The following BRDT variants were observed in gnomAD, a reference collection of about 807,000 sequenced individuals.
BRDT encodes bromodomain testis associated, also known as bromodomain testis-specific protein.
In BRDT, 77 loss-of-function variants were observed where a neutral mutation model predicts 113.9. The ratio of observed to expected loss-of-function variants is 0.68; its 90% CI spans 0.56 to 0.82. The LOEUF is 0.82. Among genes scored for constraint, BRDT ranks in the 40% least tolerant of loss-of-function variants. The probability of loss-of-function intolerance (pLI) is 0.00; values close to 1 mark genes in which losing one functional copy is unlikely to be tolerated. For missense variants in BRDT, 1,027 were observed against 1,105.4 expected (o/e 0.93, Z 1.01); for synonymous variants, 358 against 366.5 (o/e 0.98, Z 0.26).
Position 92,013,797 on chromosome 1 carries a change from T to C in BRDT, c.2776-409T>C, listed in dbSNP as rs762001307. Reference sequence around the variant, plus strand: ...CATTACATATTATAGTTATCTCACATAACAAAGATATTGGTTCATTCAGAA... The same window carrying C: ...CATTACATATTATAGTTATCTCACACAACAAAGATATTGGTTCATTCAGAA... On this transcript the variant is annotated intron_variant, in intron 18 of 18. Coordinates refer to ENST00000399546, the MANE Select transcript of BRDT (RefSeq NM_207189.4). Among the ~76,000 whole-genome samples the C allele has an allele frequency of 2.5e-4, 38 of 152,322 alleles. 1 individual carries two copies. The highest frequency in any genetic ancestry group is 3.4e-3 in the Middle Eastern group (1 of 294).
chr1:92,008,069 C>G (rs528806269), intron 18 of BRDT, among the ~76,000 whole-genome samples: 2 of 152,222 alleles, frequency 1.3e-5, no homozygotes, highest in South Asian at 4.2e-4. Flanking sequence ...AGGCACCCAC[C>G]ACCACGCCTG....
At chr1:91,962,629 C>T (rs924444103) in intron 1 of BRDT, 89 bp from the exon 2 acceptor site, 15 of 761,126 alleles carry the variant, frequency 2.0e-5, no homozygotes, top group East Asian at 3.1e-5. Context: ...CCACTGTGCC[C>T]GGCTTCTGTT....
intron 4 of BRDT, among the ~76,000 whole-genome samples, chr1:91,974,909 T>G (rs1683980627): frequency 6.6e-6 from 1 of 152,116 alleles, no homozygotes; most frequent in East Asian, 1.9e-4. Flanking sequence ...TAGACTGGAT[T>G]AAGAAAATGT....
At chr1:91,964,338 G>A (rs925146677) in intron 2 of BRDT, among the ~76,000 whole-genome samples, 2 of 152,226 alleles carry the variant, frequency 1.3e-5, no homozygotes, top group Admixed American at 6.5e-5. Context: ...TGGGATTACA[G>A]GCGTGAGCCA....
chr1:91,994,700 C>G (rs1458689011), intron 15 of BRDT, among the ~76,000 whole-genome samples: 1 of 151,256 alleles, frequency 6.6e-6, no homozygotes, highest in East Asian at 1.9e-4. Context: ...AACCCCGTCT[C>G]TACTAAAAAT....
chr1:91,992,583 T>A (rs1685898664), intron 14 of BRDT, among the ~76,000 whole-genome samples: 2 of 152,200 alleles, frequency 1.3e-5, no homozygotes, highest in South Asian at 4.1e-4. Context: ...TCACCCAGGC[T>A]GGAGTGCAGT....
intron 2 of BRDT, among the ~76,000 whole-genome samples, chr1:91,963,518 T>A (rs1490881525): frequency 6.6e-6 from 1 of 152,202 alleles, no homozygotes; most frequent in African/African-American, 2.4e-5. Flanking sequence ...TTATCCTGAA[T>A]TTTACCTTTT....
chr1:92,002,031 A>G lies in BRDT; in HGVS notation c.2288-18A>G. On this transcript the variant is annotated intron_variant, in intron 15 of 18. Transcript: ENST00000399546. ...TGAAATATTTTAATTATACTATTCT[A>G]AAAATGTGTGCATCCAGGTGATTCT... 2 of 1,554,460 alleles carry G rather than the reference A, an allele frequency of 1.3e-6. No individual in the cohort carries two copies. Among genetic ancestry groups the G allele is most frequent in the Non-Finnish European group, 1.8e-6 (2 of 1,130,244 alleles).
rs556457728 is a variant in BRDT, at chr1:91,984,476, T to G, written c.2002+2721T>G. On this transcript the variant is annotated intron_variant, in intron 12 of 18. Transcript: ENST00000399546. ...ACATTCTCAAGGAACAGATGGCAAATTCTATGTCAAAGTTTCAAGCATGGG... is the reference window on the plus strand; with the variant it reads ...ACATTCTCAAGGAACAGATGGCAAAGTCTATGTCAAAGTTTCAAGCATGGG... Among the ~76,000 whole-genome samples, 277 of 152,256 alleles carry G rather than the reference T, an allele frequency of 1.8e-3. 1 individual carries two copies. The highest frequency in any genetic ancestry group is 3.3e-3 in the Non-Finnish European group (227 of 68,020).
chr1:91,976,332 T>C lies in BRDT; in HGVS notation c.512T>C (p.Val171Ala). The C allele has an allele frequency of 6.2e-7, 1 of 1,613,016 alleles. No individual in the cohort carries two copies. Among genetic ancestry groups the C allele is most frequent in the Non-Finnish European group, 8.5e-7 (1 of 1,179,620 alleles). Reference sequence around the variant, plus strand: ...TCATCACCCAGCGCAACAGAAAAAGTATTTAAGCAGCAAGAAATTCCTTCT... The same window carrying C: ...TCATCACCCAGCGCAACAGAAAAAGCATTTAAGCAGCAAGAAATTCCTTCT... ...EKSSPSATEK[V>A]FKQQEIPSVF... The change falls in exon 5 of 19, where the codon GTA (valine) becomes GCA (alanine). Residue 171 changes from valine (V) to alanine (A), a missense_variant. By Grantham distance (64) the Val-to-Ala change is moderately conservative (BLOSUM62 0). Transcript: ENST00000399546.
chr1:91,974,026 G>T (rs923688709), intron 4 of BRDT, among the ~76,000 whole-genome samples: 1 of 152,170 alleles, frequency 6.6e-6, no homozygotes, highest in Non-Finnish European at 1.5e-5. Context: ...ACAAAAACAA[G>T]AAATGGGGAA....
Position 91,964,649 on chromosome 1 carries a change from A to C in BRDT, c.215A>C (p.Asn72Thr). Residue 72 changes from asparagine to threonine, a missense_variant, in exon 3 of 19, where the codon AAC becomes ACC. Coordinates refer to ENST00000399546, the MANE Select transcript of BRDT (RefSeq NM_207189.4). ...QLPDYYTIIKNPMDLNTIKKR... is the reference protein window; with the variant it reads ...QLPDYYTIIKTPMDLNTIKKR... ...TAGGATTATTATACCATTATAAAAA[A>C]CCCAATGGATTTAAATACAATTAAG... 1 of 1,449,196 alleles carries C rather than the reference A, an allele frequency of 6.9e-7. No individual in the cohort carries two copies. The highest frequency in any genetic ancestry group is 9.5e-7 in the Non-Finnish European group (1 of 1,055,236). 89.8% of individuals were successfully genotyped at this position (1,449,196 alleles called of 1,614,324 possible).
At position 91,980,756 on chromosome 1, in the gene BRDT, C is replaced by A; in HGVS notation, c.1401C>A (p.Ser467Arg). Reference sequence around the variant, plus strand: ...AGAAAAAAGAAAAGGTTAATAACAGCAATGAAAATCCAAGAAAAATGTGTG... The same window carrying A: ...AGAAAAAAGAAAAGGTTAATAACAGAAATGAAAATCCAAGAAAAATGTGTG... ...KEKKKEKVNN[S>R]NENPRKMCEQ... is the part of the protein sequence containing the mutation. The change falls in exon 9 of 19, where the codon AGC becomes AGA. Residue 467 changes from serine to arginine, a missense_variant. Transcript: ENST00000399546. The A allele has an allele frequency of 6.2e-7, 1 of 1,604,930 alleles. No homozygotes were observed. The highest frequency in any genetic ancestry group is 8.5e-7 in the Non-Finnish European group (1 of 1,178,158).
At chr1:92,013,518 G>C (rs1330928891) in intron 18 of BRDT, among the ~76,000 whole-genome samples, 2 of 152,078 alleles carry the variant, frequency 1.3e-5, no homozygotes, top group Admixed American at 1.3e-4. Context: ...TTAATATTTG[G>C]TGTCATCTCA....
At chr1:92,009,743 A>T (rs1249917590) in intron 18 of BRDT, among the ~76,000 whole-genome samples, 2 of 149,162 alleles carry the variant, frequency 1.3e-5, no homozygotes, top group Non-Finnish European at 3.0e-5. Flanking sequence ...TTATTTATTT[A>T]TTTTTTTTGT....
At chr1:91,986,152 G>C (rs1051716372) in intron 12 of BRDT, among the ~76,000 whole-genome samples, 3 of 152,196 alleles carry the variant, frequency 2.0e-5, no homozygotes, top group Non-Finnish European at 4.4e-5. Context: ...GCCAAGCCTT[G>C]AAAATGAAAT....
chr1:91,952,331 TAA>T (rs995621312), intron 1 of BRDT: 2 of 152,034 alleles, frequency 1.3e-5, no homozygotes, highest in African/African-American at 4.8e-5. Flanking sequence ...ATGTAGGCTG[TAA>T]AGACAGTGGG....
chr1:91,970,537 G>A (rs1310119212), intron 4 of BRDT, among the ~76,000 whole-genome samples: 1 of 152,200 alleles, frequency 6.6e-6, no homozygotes, highest in Non-Finnish European at 1.5e-5. Context: ...AAAGTGCTAG[G>A]ATTACAGGCG....
rs1570505764 is a variant in BRDT at position 91,974,456 on chromosome 1, C to T, written c.446-1810C>T. 3.9e-5 allele frequency among the ~76,000 whole-genome samples: 6 copies of T among 152,096 alleles called. No homozygotes were observed. In the East Asian group the frequency reaches 1.2e-3, roughly 29 times the overall value. On this transcript the variant is annotated intron_variant, in intron 4 of 18. Transcript: ENST00000399546. ...ATTTACAAGAAAAAAACAACCCCAT[C>T]AAAAAGTGGGTGAAGGATATGAAGA... is the stretch of plus-strand genomic sequence containing the variant.
Sources: gnomAD v4.1 joint callset for allele counts (sites outside exome capture counted in the v4.1 genomes callset) on GRCh38, gnomAD v4.1.1 for gene constraint, MANE v1.5 for transcripts, NCBI Gene and HGNC (gene_info 2026-07-23, HGNC 2026-07-21) for gene names.